Variants in ASMTL observed in about 807,000 individuals in gnomAD.
ASMTL encodes acetylserotonin O-methyltransferase like.
In ASMTL, 57 loss-of-function variants were observed where a neutral mutation model predicts 60.3. That is an observed-to-expected ratio of 0.95 (90% CI 0.76 to 1.18). ASMTL has a LOEUF of 1.18. ASMTL is among the 50% of genes most tolerant of loss of function. The pLI, the probability that ASMTL is intolerant of heterozygous loss-of-function variation, is 0.00. For synonymous variants in ASMTL, 419 were observed against 373.0 expected (o/e 1.12, Z -1.42); for missense variants, 981 against 852.6 (o/e 1.15, Z -1.88).
intron 1 of ASMTL, among the ~76,000 whole-genome samples, chrX:1,449,592 C>T (rs1456255662): frequency 6.6e-6 from 1 of 151,864 alleles, no homozygotes; most frequent in Non-Finnish European, 1.5e-5. Context: ...CAGTAACTAC[C>T]CTACCATCAC....
At chrX:1,434,295 G>C (rs1189537734) in intron 5 of ASMTL, among the ~76,000 whole-genome samples, 1 of 152,062 alleles carries the variant, frequency 6.6e-6, no homozygotes, top group African/African-American at 2.4e-5. Flanking sequence ...TTCGAGACCA[G>C]TCTGGGCAAC....
intron 7 of ASMTL, among the ~76,000 whole-genome samples, chrX:1,427,050 G>A (rs1385858223): frequency 1.3e-5 from 2 of 152,180 alleles, no homozygotes; most frequent in Non-Finnish European, 2.9e-5. Context: ...AAGTAAGCTA[G>A]GGGACTTCAG....
chrX:1,421,996 C>G (rs2090496662), intron 8 of ASMTL, 154 bp from the exon 9 acceptor site: 1 of 188,172 alleles, frequency 5.3e-6, no homozygotes, highest in Admixed American at 6.5e-5. Context: ...GGGGATGCAT[C>G]ATTGAGATGT....
intron 1 of ASMTL, among the ~76,000 whole-genome samples, chrX:1,444,604 G>C (rs2091195289): frequency 2.6e-5 from 4 of 152,122 alleles, no homozygotes; most frequent in African/African-American, 9.7e-5. Flanking sequence ...TGCAACCCAG[G>C]ATGCAGTGGG....
At chrX:1,440,972 C>G (rs1383425327) in intron 2 of ASMTL, among the ~76,000 whole-genome samples, 6 of 151,892 alleles carry the variant, frequency 4.0e-5, no homozygotes, top group African/African-American at 1.5e-4. Context: ...ATATTATATT[C>G]AAACATAGTA....
chrX:1,436,831 T>C (rs2090978803), intron 3 of ASMTL, among the ~76,000 whole-genome samples: 1 of 152,242 alleles, frequency 6.6e-6, no homozygotes, highest in Non-Finnish European at 1.5e-5. Flanking sequence ...TGAATCCTTT[T>C]GGGTACATAC....
chrX:1,445,928 C>CT (rs755936687), intron 1 of ASMTL, among the ~76,000 whole-genome samples: 101 of 152,140 alleles, frequency 6.6e-4, no homozygotes, highest in African/African-American at 1.6e-3. Context: ...CTCCCTTTCC[C>CT]TGGGGGGGTT....
At chrX:1,432,533 GA>G (rs1311724709) in intron 5 of ASMTL, 156 bp from the exon 6 acceptor site, 1 of 181,010 alleles carries the variant, frequency 5.5e-6, no homozygotes, top group Non-Finnish European at 1.1e-5. Context: ...TTTCGGACAA[GA>G]AAAGGGAGAA....
At chrX:1,438,982 G>C (rs2091042096) in intron 3 of ASMTL, 115 bp downstream of exon 3, 2 of 1,168,984 alleles carry the variant, frequency 1.7e-6, no homozygotes, top group African/African-American at 3.0e-5. Flanking sequence ...GGAGTTTCTG[G>C]AAGCGAGTCC....
At chrX:1,446,901 T>C (rs751693042) in intron 1 of ASMTL, among the ~76,000 whole-genome samples, 20 of 152,268 alleles carry the variant, frequency 1.3e-4, no homozygotes, top group African/African-American at 4.8e-4. Context: ...TGCCTAATGG[T>C]TTTCAGTTTT....
At chrX:1,445,598 C>T (rs1407756955) in intron 1 of ASMTL, among the ~76,000 whole-genome samples, 2 of 152,014 alleles carry the variant, frequency 1.3e-5, no homozygotes, top group Non-Finnish European at 2.9e-5. Context: ...TGTCAAGTTG[C>T]ACCTCTCATT....
chrX:1,448,530 A>C (rs1319016784), intron 1 of ASMTL, among the ~76,000 whole-genome samples: 1 of 150,114 alleles, frequency 6.7e-6, no homozygotes, highest in Non-Finnish European at 1.5e-5. Context: ...ACATGCCGCC[A>C]TCTTGGACAC....
chrX:1,438,603 C>G (rs1347749393), intron 3 of ASMTL, among the ~76,000 whole-genome samples: 2 of 152,198 alleles, frequency 1.3e-5, no homozygotes, highest in Admixed American at 1.3e-4. Flanking sequence ...AACCCCGCCT[C>G]CTGGGTTCGA....
intron 12 of ASMTL, among the ~76,000 whole-genome samples, chrX:1,407,240 GTAGATGGATGGATGGA>G (rs1170952426): frequency 5.4e-5 from 8 of 147,304 alleles, no homozygotes; most frequent in African/African-American, 2.1e-4. Context: ...GGGTAGGTAG[GTAGATGGATGGATGGA>G]TAGATGGATG....
In ASMTL at chrX:1,412,745, C is replaced by T. The variant is rs1347526282; in HGVS notation, c.1632G>A (p.Glu544=). 1 of 1,614,000 alleles carries T rather than the reference C, an allele frequency of 6.2e-7. No homozygotes were observed. Among genetic ancestry groups the T allele is most frequent in the South Asian group, 1.1e-5 (1 of 91,072 alleles). The change falls in exon 12 of 13, where the codon GAG becomes GAA. Residue 544 remains glutamate, a synonymous_variant. Transcript: ENST00000381317. The stretch of plus-strand genomic sequence containing the variant: ...ATGGGCTCTCACCTGGCTTGCAGCT[C>T]TCGGCGACCCTGCTGAGTAACTTGT... ...KVHKLLSRVA[E]SCKPGAGLLL...
chrX:1,435,595 G>A (rs1239424874), intron 4 of ASMTL, 99 bp downstream of exon 4: 1 of 1,161,346 alleles, frequency 8.6e-7, no homozygotes, highest in Middle Eastern at 2.7e-4. Context: ...CGGCAGAGCT[G>A]ACAGAGATCC....
At chrX:1,432,972 C>G (rs1163182615) in intron 5 of ASMTL, among the ~76,000 whole-genome samples, 1 of 152,218 alleles carries the variant, frequency 6.6e-6, no homozygotes, top group Non-Finnish European at 1.5e-5. Flanking sequence ...GTGGCATGCA[C>G]CTGTCATCCC....
At chrX:1,425,482 A>C (rs1185332774) in intron 8 of ASMTL, 43 bp downstream of exon 8, 2 of 1,593,760 alleles carry the variant, frequency 1.3e-6, no homozygotes, top group African/African-American at 2.7e-5. Flanking sequence ...AGTGACTTCC[A>C]CCTGCAAAGA....
chrX:1,423,345 G>C (rs1289675109), intron 8 of ASMTL, among the ~76,000 whole-genome samples: 2 of 152,050 alleles, frequency 1.3e-5, no homozygotes, highest in Non-Finnish European at 1.5e-5. Context: ...ACATGTCTCT[G>C]TGGTAAGGGC....
Sources: allele counts gnomAD v4.1 joint callset (sites outside exome capture counted in the v4.1 genomes callset), GRCh38; gene constraint gnomAD v4.1.1; transcripts MANE v1.5; gene names NCBI Gene and HGNC (gene_info 2026-07-23, HGNC 2026-07-21).